SYT1: variants seen among roughly 807,000 people sequenced by gnomAD.
SYT1 encodes synaptotagmin 1, also known as synaptotagmin-1.
Under a neutral mutation model 44.8 loss-of-function variants are expected in SYT1, and 8 were observed. That is an observed-to-expected ratio of 0.18 (90% confidence interval 0.10 to 0.32). SYT1 has a LOEUF of 0.32. SYT1 is among the 10% of genes least tolerant of loss of function. The pLI is 1.00. For synonymous variants in SYT1, 154 were observed against 188.8 expected (o/e 0.82, Z 1.51); for missense variants, 286 against 509.3 (o/e 0.56, Z 4.22).
intron 8 of SYT1, among the ~76,000 whole-genome samples, chr12:79,333,331 G>A (rs1215423733): frequency 1.3e-5 from 2 of 152,082 alleles, no homozygotes; most frequent in Non-Finnish European, 2.9e-5. Context: ...CTTTTACAAG[G>A]ACTCTCATCC....
At chr12:78,942,320 G>T (rs1878421189) in intron 1 of SYT1, among the ~76,000 whole-genome samples, 1 of 152,194 alleles carries the variant, frequency 6.6e-6, no homozygotes, top group East Asian at 1.9e-4. Context: ...CTTCAAGATT[G>T]GTTCTTAACC....
chr12:79,155,313 C>G (rs1390380806), intron 3 of SYT1, among the ~76,000 whole-genome samples: 1 of 152,164 alleles, frequency 6.6e-6, no homozygotes, highest in Admixed American at 6.5e-5. Flanking sequence ...TATAGAGGCT[C>G]TGTCTCTGAA....
intron 1 of SYT1, among the ~76,000 whole-genome samples, chr12:78,948,953 CTATTATATTA>C (rs71441943): frequency 0.22 from 31,865 of 142,356 alleles, 3,764 homozygotes; most frequent in South Asian, 0.34. Flanking sequence ...AAATCAAGGC[CTATTATATTA>C]TATTATATTA....
chr12:79,251,725 A>T (rs933124612), intron 4 of SYT1, among the ~76,000 whole-genome samples: 3 of 152,164 alleles, frequency 2.0e-5, no homozygotes, highest in Non-Finnish European at 4.4e-5. Context: ...CTTAACCCCA[A>T]GTGAGTAGAA....
At chr12:79,404,179 A>G (rs1885164709) in intron 9 of SYT1, among the ~76,000 whole-genome samples, 1 of 152,148 alleles carries the variant, frequency 6.6e-6, no homozygotes, top group African/African-American at 2.4e-5. Context: ...TATATCAAAT[A>G]CCAGAGCAGT....
chr12:79,155,340 G>C (rs1870528051), intron 3 of SYT1, among the ~76,000 whole-genome samples: 1 of 152,180 alleles, frequency 6.6e-6, no homozygotes, highest in African/African-American at 2.4e-5. Context: ...AAGGGATGCT[G>C]TTCATCCTCA....
chr12:79,147,821 G>A (rs938445643), intron 3 of SYT1, among the ~76,000 whole-genome samples: 2 of 152,158 alleles, frequency 1.3e-5, no homozygotes, highest in Admixed American at 6.5e-5. Flanking sequence ...GTAAGTCAGG[G>A]TGAGGGTCAA....
intron 8 of SYT1, among the ~76,000 whole-genome samples, chr12:79,322,384 A>G (rs750570001): frequency 3.9e-5 from 6 of 151,982 alleles, no homozygotes; most frequent in Non-Finnish European, 8.8e-5. Flanking sequence ...TACCACTTAC[A>G]TGCCTGCATC....
At chr12:79,287,547 C>A (rs983138432) in intron 5 of SYT1, among the ~76,000 whole-genome samples, 7 of 151,980 alleles carry the variant, frequency 4.6e-5, no homozygotes, top group African/African-American at 1.7e-4. Context: ...ATTGTGAAAA[C>A]AATAATTTGA....
At chr12:78,884,152 T>C (rs893538327) in intron 1 of SYT1, among the ~76,000 whole-genome samples, 1 of 151,708 alleles carries the variant, frequency 6.6e-6, no homozygotes, top group Non-Finnish European at 1.5e-5. Flanking sequence ...AACAGAAATA[T>C]TGCATTTGCA....
intron 9 of SYT1, among the ~76,000 whole-genome samples, chr12:79,387,785 A>G (rs1288913266): frequency 6.6e-6 from 1 of 152,136 alleles, no homozygotes; most frequent in Non-Finnish European, 1.5e-5. Context: ...TAACTTGTTT[A>G]TTTTAGAAAT....
intron 9 of SYT1, among the ~76,000 whole-genome samples, chr12:79,394,422 G>A (rs1013589986): frequency 2.0e-5 from 3 of 152,150 alleles, no homozygotes; most frequent in Admixed American, 6.5e-5. Flanking sequence ...TTTAACCTGT[G>A]TAGGCAACTG....
chr12:79,158,379 G>C (rs889944409), intron 3 of SYT1, among the ~76,000 whole-genome samples: 23 of 152,050 alleles, frequency 1.5e-4, no homozygotes. Flanking sequence ...GATCTGACAA[G>C]AGGTGGAGCT....
chr12:78,873,442 A>G (rs1873921395), intron 1 of SYT1, among the ~76,000 whole-genome samples: 1 of 151,740 alleles, frequency 6.6e-6, no homozygotes, highest in Admixed American at 6.6e-5. Flanking sequence ...TTTTAAAATT[A>G]TTCAAGGGAC....
chr12:79,339,141 G>A (rs1389181964), intron 8 of SYT1, among the ~76,000 whole-genome samples: 2 of 152,150 alleles, frequency 1.3e-5, no homozygotes, highest in Non-Finnish European at 2.9e-5. Flanking sequence ...GTGTGCATGT[G>A]TCTTTATAGC....
At chr12:78,911,100 A>C (rs1876294940) in intron 1 of SYT1, among the ~76,000 whole-genome samples, 1 of 152,040 alleles carries the variant, frequency 6.6e-6, no homozygotes, top group Non-Finnish European at 1.5e-5. Flanking sequence ...TTATCATCCA[A>C]GCTTCAGTGT....
At chr12:79,249,046 G>C in intron 4 of SYT1, among the ~76,000 whole-genome samples, 1 of 147,386 alleles carries the variant, frequency 6.8e-6, no homozygotes, top group Non-Finnish European at 1.5e-5. Context: ...TTGTTGAAGG[G>C]CAACCACTAT....
chr12:79,124,871 G>C (rs1868353853), intron 3 of SYT1, among the ~76,000 whole-genome samples: 2 of 152,008 alleles, frequency 1.3e-5, no homozygotes, highest in Non-Finnish European at 2.9e-5. Flanking sequence ...GGACTAATTT[G>C]AGTATAACTG....
At chr12:79,358,710 T>C (rs766538762) in intron 9 of SYT1, among the ~76,000 whole-genome samples, 1 of 152,140 alleles carries the variant, frequency 6.6e-6, no homozygotes, top group Non-Finnish European at 1.5e-5. Context: ...ACCTTCAAGA[T>C]GGGAGAGCAA....
Sources: gnomAD v4.1 joint callset for allele counts (sites outside exome capture counted in the v4.1 genomes callset) on GRCh38, gnomAD v4.1.1 for gene constraint, MANE v1.5 for transcripts, NCBI Gene and HGNC (gene_info 2026-07-23, HGNC 2026-07-21) for gene names.